METTL15: variants seen among roughly 807,000 people sequenced by gnomAD.
METTL15 encodes the protein methyltransferase 15, mitochondrial 12S rRNA N4-cytidine.
METTL15 carries 34 observed loss-of-function variants against 38.3 expected under a neutral mutation model. That is an observed-to-expected ratio of 0.89 (90% CI 0.68 to 1.18). The LOEUF (loss-of-function observed/expected upper bound fraction) is 1.18, where lower values mean the gene tolerates loss of function less well. Ranked by LOEUF, METTL15 falls within the 50% of genes most tolerant of loss-of-function variation. The probability of loss-of-function intolerance (pLI) is 0.00; values close to 1 mark genes in which losing one functional copy is unlikely to be tolerated. For missense variants in METTL15, 438 were observed against 498.4 expected (o/e 0.88, Z 1.15); for synonymous variants, 162 against 170.9 (o/e 0.95, Z 0.41).
intron 3 of METTL15, chr11:28,123,925 G>A (rs1852360218): frequency 1.5e-5 from 21 of 1,363,898 alleles, no homozygotes; most frequent in Non-Finnish European, 1.9e-5. Context: ...CACTTGAGGC[G>A]AGTATACACT....
At chr11:28,395,830 C>T (rs958756744) in intron 5 of METTL15, among the ~76,000 whole-genome samples, 4 of 152,174 alleles carry the variant, frequency 2.6e-5, no homozygotes, top group South Asian at 2.1e-4. Context: ...TGATGAACAT[C>T]GATGCAAAAA....
intron 4 of METTL15, among the ~76,000 whole-genome samples, chr11:28,219,833 A>G (rs1045238809): frequency 6.6e-6 from 1 of 152,178 alleles, no homozygotes; most frequent in African/African-American, 2.4e-5. Flanking sequence ...GTAGTCATTC[A>G]GGAGCAGGTT....
In METTL15 at chr11:28,196,198, C is replaced by T. The variant is rs747811475; in HGVS notation, c.271-14864C>T. Among the ~76,000 whole-genome samples the T allele has an allele frequency of 3.3e-5, 5 of 152,012 alleles. No homozygotes were observed. The South Asian group carries it at 8.3e-4, about 25-fold the overall frequency. The stretch of plus-strand genomic sequence containing the variant: ...TGACTATTCGGGCTCTTTATTGGTT[C>T]CATATGAATTTTAGGATTGTTTTTT... On this transcript the variant is annotated intron_variant, in intron 3 of 6. Transcript: ENST00000407364.
intron 4 of METTL15, chr11:28,261,510 T>A (rs1855201765): frequency 6.5e-6 from 1 of 153,238 alleles, no homozygotes; most frequent in African/African-American, 2.4e-5. Flanking sequence ...CAGATCATCC[T>A]CATGTTTCCT....
At chr11:28,512,180 T>A (rs553487395) in intron 6 of METTL15, among the ~76,000 whole-genome samples, 23 of 152,242 alleles carry the variant, frequency 1.5e-4, no homozygotes, top group African/African-American at 5.1e-4. Flanking sequence ...AGTAGCTAGA[T>A]ACAGAGTGTT....
chr11:28,371,726 C>T lies in METTL15; in HGVS notation c.*358+9690C>T, dbSNP rs528916101. Among the ~76,000 whole-genome samples the T allele has an allele frequency of 4.6e-5, 7 of 151,994 alleles. No homozygotes were observed. In the East Asian group the frequency reaches 1.4e-3, roughly 29 times the overall value. Reference sequence around the variant, plus strand: ...CCTTTCACTTCTTTGCTTAAATTAACTTCTAGGTAATTTATATTATTTGAA... The same window carrying T: ...CCTTTCACTTCTTTGCTTAAATTAATTTCTAGGTAATTTATATTATTTGAA... On this transcript the variant is annotated intron_variant and NMD_transcript_variant, in intron 5 of 7. Coordinates refer to the METTL15 transcript ENST00000532947.
intron 3 of METTL15, among the ~76,000 whole-genome samples, chr11:28,189,758 T>C (rs1462485269): frequency 6.6e-6 from 1 of 151,228 alleles, no homozygotes; most frequent in Non-Finnish European, 1.5e-5. Flanking sequence ...ATCTCACATT[T>C]TGTAAAATTT....
In METTL15 at chr11:28,376,913, T is replaced by G. The variant is rs1017702693; in HGVS notation, c.*358+14877T>G. Reference sequence around the variant, plus strand: ...GTAAAGTATTTTATTTCTCCTTCACTTATGAAGCTTAGTTTGGCTGGATAT... The same window carrying G: ...GTAAAGTATTTTATTTCTCCTTCACGTATGAAGCTTAGTTTGGCTGGATAT... On this transcript the variant is annotated intron_variant and NMD_transcript_variant, in intron 5 of 7. Coordinates refer to the METTL15 transcript ENST00000532947. 2.3e-4 allele frequency among the ~76,000 whole-genome samples: 31 copies of G among 136,622 alleles called. 1 individual carries two copies. The highest frequency in any genetic ancestry group is 7.7e-4 in the African/African-American group (30 of 38,964). 89.6% of individuals were successfully genotyped at this position (136,622 alleles called of 152,430 possible).
At chr11:28,399,048 A>G (rs960772873) in intron 5 of METTL15, 1 of 152,110 alleles carries the variant, frequency 6.6e-6, no homozygotes, top group Non-Finnish European at 1.5e-5. Context: ...ACTTCAAACT[A>G]TCCTACAAGG....
chr11:28,153,255 C>G (rs953397080), intron 3 of METTL15, among the ~76,000 whole-genome samples: 2 of 152,094 alleles, frequency 1.3e-5, no homozygotes, highest in Admixed American at 6.6e-5. Flanking sequence ...TGGTTTCACT[C>G]TGGTTCGAAT....
At chr11:28,421,261 C>T (rs1850818006) in intron 5 of METTL15, among the ~76,000 whole-genome samples, 1 of 152,008 alleles carries the variant, frequency 6.6e-6, no homozygotes, top group Non-Finnish European at 1.5e-5. Context: ...TTGGCGGATT[C>T]ACTGCTGAAT....
chr11:28,220,137 A>G (rs983826837), intron 4 of METTL15, among the ~76,000 whole-genome samples: 2 of 152,180 alleles, frequency 1.3e-5, no homozygotes, highest in Admixed American at 1.3e-4. Flanking sequence ...TGTCTTGTTG[A>G]TCTGTCTAAT....
chr11:28,288,818 A>T (rs1392788170), intron 4 of METTL15, among the ~76,000 whole-genome samples: 1 of 152,170 alleles, frequency 6.6e-6, no homozygotes, highest in African/African-American at 2.4e-5. Context: ...CTTAAAAGTT[A>T]AATAAAATAA....
chr11:28,156,136 A>T (rs1386909723), intron 3 of METTL15, among the ~76,000 whole-genome samples: 2 of 152,166 alleles, frequency 1.3e-5, no homozygotes, highest in African/African-American at 4.8e-5. Flanking sequence ...AGAGCCTAAA[A>T]TATACCCCAG....
chr11:28,373,628 T>G (rs111874843), intron 5 of METTL15, among the ~76,000 whole-genome samples: 2,691 of 152,250 alleles, frequency 0.018, 52 homozygotes, highest in African/African-American at 0.051. Flanking sequence ...TTAATTAGTT[T>G]AATTAATTTA....
intron 3 of METTL15, among the ~76,000 whole-genome samples, chr11:28,349,347 G>C (rs536338803): frequency 1.3e-5 from 2 of 152,288 alleles, no homozygotes; most frequent in African/African-American, 4.8e-5. Context: ...CCTCTGCACA[G>C]GTCTGCCTTC....
chr11:28,310,604 T>A (rs144340203), intron 6 of METTL15, among the ~76,000 whole-genome samples: 409 of 152,280 alleles, frequency 2.7e-3, no homozygotes, highest in Non-Finnish European at 3.7e-3. Context: ...CATCATTTAC[T>A]TGCTCAAAAC....
At chr11:28,386,889 A>T (rs1006339285) in intron 5 of METTL15, among the ~76,000 whole-genome samples, 1 of 152,032 alleles carries the variant, frequency 6.6e-6, no homozygotes, top group African/African-American at 2.4e-5. Flanking sequence ...ATAACACTAA[A>T]AATTAATAGC....
At chr11:28,511,904 T>C (rs1406259744) in intron 6 of METTL15, among the ~76,000 whole-genome samples, 2 of 152,170 alleles carry the variant, frequency 1.3e-5, no homozygotes, top group Non-Finnish European at 2.9e-5. Flanking sequence ...GATTGGTCCA[T>C]TTTACAGAGA....
Sources: allele counts gnomAD v4.1 joint callset (sites outside exome capture counted in the v4.1 genomes callset), GRCh38; gene constraint gnomAD v4.1.1; transcripts MANE v1.5; gene names NCBI Gene and HGNC (gene_info 2026-07-23, HGNC 2026-07-21).